Variants in TYW1 observed in about 807,000 individuals in gnomAD.
The protein encoded by TYW1 is tRNA-yW synthesizing protein 1 homolog, also known as S-adenosyl-L-methionine-dependent tRNA 4-demethylwyosine synthase TYW1.
Under a neutral mutation model 96.2 loss-of-function variants are expected in TYW1, and 46 were observed. The observed-to-expected ratio is 0.48, with a 90% CI of 0.38 to 0.61. The LOEUF is 0.61. Ranked by LOEUF, TYW1 falls within the 20% of genes least tolerant of loss-of-function variation. TYW1 has a pLI of 0.00. For missense variants in TYW1, 684 were observed against 909.6 expected (o/e 0.75, Z 3.19); for synonymous variants, 274 against 323.0 (o/e 0.85, Z 1.63).
intron 10 of TYW1, among the ~76,000 whole-genome samples, chr7:67,075,965 A>G (rs1796190023): frequency 6.6e-6 from 1 of 152,220 alleles, no homozygotes; most frequent in Non-Finnish European, 1.5e-5. Flanking sequence ...AAATCAATGT[A>G]CTTTGTGTTC....
At chr7:66,997,971 A>G (rs1793246586) in intron 1 of TYW1, 94 bp from the exon 2 acceptor site, 1 of 1,439,800 alleles carries the variant, frequency 6.9e-7, no homozygotes, top group Admixed American at 2.5e-5. Flanking sequence ...GGGTTGTTGA[A>G]TGTAAGGTTG....
chr7:67,168,733 A>T (rs1249427588), intron 13 of TYW1, among the ~76,000 whole-genome samples: 2 of 151,706 alleles, frequency 1.3e-5, no homozygotes, highest in African/African-American at 4.8e-5. Context: ...TTCTTTTAAG[A>T]TGGAGTCTGG....
intron 15 of TYW1, among the ~76,000 whole-genome samples, chr7:67,229,891 T>G (rs576293104): frequency 1.3e-5 from 2 of 152,328 alleles, no homozygotes; most frequent in South Asian, 2.1e-4. Context: ...AGTTGAGGCT[T>G]CAGTGAGCTA....
chr7:67,180,412 A>T lies in TYW1; in HGVS notation c.1699-2714A>T, dbSNP rs1265903862. On this transcript the variant is annotated intron_variant, in intron 13 of 15. Transcript: ENST00000359626. ...TATATATATATATATATATTTATAT[A>T]TATATATATATAATTTTTTTTTTGG... 4.4e-4 allele frequency among the ~76,000 whole-genome samples: 52 copies of T among 118,546 alleles called. 13 individuals are homozygous for T. The highest frequency in any genetic ancestry group is 6.9e-4 in the Non-Finnish European group (41 of 59,432). The allele number at this position is 118,546 out of a possible 152,430, so 77.8% of individuals were successfully genotyped here.
chr7:67,093,279 T>C (rs1222703233), intron 11 of TYW1, among the ~76,000 whole-genome samples: 1 of 152,268 alleles, frequency 6.6e-6, no homozygotes. Flanking sequence ...AAGTATTTCA[T>C]GTAGCTTATT....
rs1297686573 is a variant in TYW1, at chr7:67,238,716, G to A, written c.*187G>A. On this transcript the variant is annotated 3_prime_UTR_variant, in exon 16 of 16. Transcript: ENST00000359626. ...CTCAGAGGGCCTGGGCCACAGCCCC[G>A]ATGTTTCTTTTCAGAACTCAGCCCC... The A allele has an allele frequency of 4.9e-6, 7 of 1,417,998 alleles. No individual in the cohort carries two copies. The highest frequency in any genetic ancestry group is 6.5e-6 in the Non-Finnish European group (7 of 1,083,540). 87.8% of individuals were successfully genotyped at this position (1,417,998 alleles called of 1,614,324 possible).
At chr7:67,165,722 A>G (rs1045274892) in intron 13 of TYW1, among the ~76,000 whole-genome samples, 8 of 151,964 alleles carry the variant, frequency 5.3e-5, no homozygotes, top group Admixed American at 1.3e-4. Flanking sequence ...GAGCTCAGGT[A>G]TTTGAGACCA....
chr7:67,002,819 T>C (rs576563323), intron 3 of TYW1, among the ~76,000 whole-genome samples: 3 of 151,698 alleles, frequency 2.0e-5, no homozygotes, highest in South Asian at 2.1e-4. Context: ...TTTTCTCTTA[T>C]ATTTTTTGTA....
intron 15 of TYW1, among the ~76,000 whole-genome samples, chr7:67,218,558 G>A (rs181787025): frequency 2.0e-4 from 31 of 152,100 alleles, no homozygotes; most frequent in Admixed American, 1.8e-3. Context: ...TTACCATGTT[G>A]ACCAGACTTA....
chr7:67,057,048 C>T (rs56042635), intron 9 of TYW1, among the ~76,000 whole-genome samples: 26,325 of 148,822 alleles, frequency 0.18, 2,758 homozygotes, highest in African/African-American at 0.28. Context: ...TGGAGTCTCG[C>T]TCTGTTGCCA....
intron 15 of TYW1, among the ~76,000 whole-genome samples, chr7:67,235,658 G>A (rs1053259228): frequency 2.0e-5 from 3 of 152,074 alleles, no homozygotes; most frequent in Non-Finnish European, 4.4e-5. Flanking sequence ...TTGGGAGGCC[G>A]AGATGGGCGG....
chr7:67,094,651 A>AGGGTGTGTGTGT (rs745340578), intron 11 of TYW1, among the ~76,000 whole-genome samples: 31 of 141,716 alleles, frequency 2.2e-4, no homozygotes, highest in Admixed American at 2.8e-4. Flanking sequence ...AGAGAATTAG[A>AGGGTGTGTGTGT]GTGTGTGTGT....
intron 13 of TYW1, among the ~76,000 whole-genome samples, chr7:67,169,095 TG>T (rs1339259716): frequency 6.6e-6 from 1 of 152,236 alleles, no homozygotes; most frequent in East Asian, 1.9e-4. Context: ...CCTTATTTTA[TG>T]GCATTTCTTC....
intron 7 of TYW1, among the ~76,000 whole-genome samples, chr7:67,029,409 G>GTATATATATATATATATATA: frequency 2.8e-5 from 3 of 107,142 alleles, no homozygotes; most frequent in Admixed American, 1.1e-4. Flanking sequence ...GTGTGTGTGT[G>GTATATATATATATATATATA]TGTGTGTATA....
At chr7:67,155,487 T>G (rs369678703) in intron 13 of TYW1, among the ~76,000 whole-genome samples, 47 of 152,276 alleles carry the variant, frequency 3.1e-4, no homozygotes, top group African/African-American at 1.1e-3. Context: ...AGCACCATGC[T>G]TCCTGTACAC....
chr7:67,214,512 ATTAGC>A (rs1413804696), intron 15 of TYW1, among the ~76,000 whole-genome samples: 1 of 152,012 alleles, frequency 6.6e-6, no homozygotes, highest in Non-Finnish European at 1.5e-5. Flanking sequence ...GTCTTATTGT[ATTAGC>A]TAGGACTTCC....
chr7:67,035,741 C>T (rs193004253), intron 7 of TYW1, among the ~76,000 whole-genome samples: 1 of 152,168 alleles, frequency 6.6e-6, no homozygotes, highest in East Asian at 1.9e-4. Flanking sequence ...TACAGTGGCG[C>T]CATCTCGCTG....
At chr7:67,070,569 C>T (rs1342793385) in intron 10 of TYW1, among the ~76,000 whole-genome samples, 1 of 151,880 alleles carries the variant, frequency 6.6e-6, no homozygotes, top group Admixed American at 6.6e-5. Flanking sequence ...AGTTATTATT[C>T]TTTCACATCT....
intron 13 of TYW1, among the ~76,000 whole-genome samples, chr7:67,165,910 A>G (rs1799307758): frequency 6.6e-6 from 1 of 152,176 alleles, no homozygotes. Flanking sequence ...AGCCTGGGCA[A>G]CAGAATGAGA....
Sources: gnomAD v4.1 joint callset for allele counts (sites outside exome capture counted in the v4.1 genomes callset) on GRCh38, gnomAD v4.1.1 for gene constraint, MANE v1.5 for transcripts, NCBI Gene and HGNC (gene_info 2026-07-23, HGNC 2026-07-21) for gene names.